BTBD1: variants seen among roughly 807,000 people sequenced by gnomAD.
The protein encoded by BTBD1 is BTB domain containing 1.
BTBD1 carries 34 observed loss-of-function variants against 48.0 expected under a neutral mutation model. That is an observed-to-expected ratio of 0.71 (90% confidence interval 0.54 to 0.94). The LOEUF (loss-of-function observed/expected upper bound fraction) is 0.94, where lower values mean the gene tolerates loss of function less well. BTBD1 is among the 40% of genes least tolerant of loss of function. The pLI, the probability that BTBD1 is intolerant of heterozygous loss-of-function variation, is 0.00. For synonymous variants in BTBD1, 261 were observed against 242.1 expected (o/e 1.08, Z -0.72); for missense variants, 543 against 625.6 (o/e 0.87, Z 1.41).
chr15:83,027,554 C>A (rs951494294), intron 5 of BTBD1, among the ~76,000 whole-genome samples: 3 of 152,192 alleles, frequency 2.0e-5, no homozygotes, highest in African/African-American at 7.2e-5. Context: ...CCTTCTCCAC[C>A]TCTGTAGGAG....
rs1289052347 is a variant in BTBD1 at position 83,033,938 on chromosome 15, C to G, written c.863-3610G>C. On this transcript the variant is annotated intron_variant, in intron 4 of 7. Transcript: ENST00000261721. Reference sequence around the variant, plus strand: ...CAATAAGGATATATTCTTGTAATAACAAGGGCAACCCACTAAAATAATAAT... The same window carrying G: ...CAATAAGGATATATTCTTGTAATAAGAAGGGCAACCCACTAAAATAATAAT... Among the ~76,000 whole-genome samples, 4 of 151,516 alleles carry G rather than the reference C, an allele frequency of 2.6e-5. No individual in the cohort carries two copies. The East Asian group carries it at 7.7e-4, about 29-fold the overall frequency.
At chr15:83,027,498 C>T (rs144345593) in intron 5 of BTBD1, among the ~76,000 whole-genome samples, 11 of 152,336 alleles carry the variant, frequency 7.2e-5, no homozygotes, top group Admixed American at 5.2e-4. Context: ...CCCATTCAAC[C>T]TGCCCAAGAG....
At chr15:83,052,631 A>ATTT (rs35721041) in intron 2 of BTBD1, among the ~76,000 whole-genome samples, 1 of 132,674 alleles carries the variant, frequency 7.5e-6, no homozygotes. Flanking sequence ...ATATCAACAG[A>ATTT]TTTTTTTTTT....
intron 4 of BTBD1, among the ~76,000 whole-genome samples, chr15:83,030,956 T>C (rs2032504112): frequency 6.6e-6 from 1 of 152,008 alleles, no homozygotes; most frequent in Admixed American, 6.6e-5. Context: ...GCAAAGGACA[T>C]GAAGAGACAA....
chr15:83,066,205 C>T (rs1003788509), intron 1 of BTBD1, among the ~76,000 whole-genome samples: 3 of 151,926 alleles, frequency 2.0e-5, no homozygotes, highest in Non-Finnish European at 2.9e-5. Context: ...AGGCTGAGGT[C>T]GGAGCATCAC....
intron 3 of BTBD1, 70 bp downstream of exon 3, chr15:83,050,003 T>A (rs2032946387): frequency 2.3e-6 from 2 of 886,568 alleles, no homozygotes; most frequent in Admixed American, 4.4e-5. Context: ...TAGCCCCTTC[T>A]CCAACAAGGC....
chr15:83,062,124 AAG>A (rs2033185929), intron 1 of BTBD1, among the ~76,000 whole-genome samples: 1 of 152,204 alleles, frequency 6.6e-6, no homozygotes, highest in African/African-American at 2.4e-5. Flanking sequence ...GAGATGAAGA[AAG>A]AGAGATCAAA....
chr15:83,045,966 T>G (rs1254396997), intron 3 of BTBD1, among the ~76,000 whole-genome samples: 1 of 152,190 alleles, frequency 6.6e-6, no homozygotes, highest in African/African-American at 2.4e-5. Flanking sequence ...AGCAAAAGGC[T>G]GTAAGAAACA....
chr15:83,036,298 A>T (rs1049930573), intron 4 of BTBD1, among the ~76,000 whole-genome samples: 1 of 152,208 alleles, frequency 6.6e-6, no homozygotes, highest in Non-Finnish European at 1.5e-5. Flanking sequence ...AGACTGGATT[A>T]AAAAATTATT....
chr15:83,020,193 C>G (rs968389058), intron 6 of BTBD1: 2 of 152,726 alleles, frequency 1.3e-5, no homozygotes, highest in African/African-American at 4.8e-5. Flanking sequence ...ATTGCTTGAG[C>G]CTGGGTGATT....
rs561677445 is a variant in BTBD1 at position 83,045,172 on chromosome 15, A to G, written c.665-3247T>C. 3.9e-5 allele frequency among the ~76,000 whole-genome samples: 6 copies of G among 152,338 alleles called. No homozygotes were observed. The South Asian group carries it at 1.2e-3, about 32-fold the overall frequency. ...AAATATGATTACATTATCCATAAAT[A>G]CATATCAGATAAACATTTCTTTAAA... On this transcript the variant is annotated intron_variant, in intron 3 of 7. Coordinates refer to ENST00000261721, the MANE Select transcript of BTBD1 (RefSeq NM_025238.4).
chr15:83,043,460 T>C (rs2032808028), intron 3 of BTBD1, among the ~76,000 whole-genome samples: 1 of 152,078 alleles, frequency 6.6e-6, no homozygotes, highest in African/African-American at 2.4e-5. Context: ...GCCTGGAGGA[T>C]TCTGAGTTGT....
intron 4 of BTBD1, among the ~76,000 whole-genome samples, chr15:83,036,661 CAT>C (rs931272991): frequency 1.1e-4 from 17 of 152,174 alleles, no homozygotes; most frequent in African/African-American, 4.1e-4. Context: ...AGAAATAATC[CAT>C]ATATCCAACA....
chr15:83,031,166 T>C (rs1371274062), intron 4 of BTBD1, among the ~76,000 whole-genome samples: 4 of 152,206 alleles, frequency 2.6e-5, no homozygotes, highest in African/African-American at 9.6e-5. Flanking sequence ...TGTTCCTATT[T>C]CTCCACATCC....
chr15:83,030,286 T>C lies in BTBD1; in HGVS notation c.905A>G (p.Asn302Ser). 3.1e-6 allele frequency: 5 copies of C among 1,613,978 alleles called. No homozygotes were observed. The highest frequency in any genetic ancestry group is 4.2e-6 in the Non-Finnish European group (5 of 1,179,986). The change falls in exon 5 of 8, where the codon AAC becomes AGC. Residue 302 changes from asparagine (N) to serine (S), a missense_variant. This residue lies in a region of BTBD1 where 300 missense variants were observed against 350.0 expected (regional missense o/e 0.86). Transcript: ENST00000261721. ...GTTGACAGTAAAATGAAGAAAGAGG[T>C]TTACCACTTCACGATCTGACAAAAT... is the stretch of plus-strand genomic sequence containing the variant. Reference protein sequence around the residue: ...SGILSDREVVNLFLHFTVNPK... With the variant: ...SGILSDREVVSLFLHFTVNPK...
Position 83,017,951 on chromosome 15 carries a change from TTCTTA to T in BTBD1, c.*111_*115del. 1.6e-6 allele frequency: 1 copy of T among 611,610 alleles called. No individual in the cohort carries two copies. 37.9% of individuals were successfully genotyped at this position (611,610 alleles called of 1,614,324 possible). A position where few individuals can be genotyped will look rare whatever the true frequency, so the allele number is the denominator to read the frequency against. On this transcript the variant is annotated 3_prime_UTR_variant, in exon 8 of 8. Coordinates refer to ENST00000261721, the MANE Select transcript of BTBD1 (RefSeq NM_025238.4). ...TTTTCTATCTGCTCTAAGAAACTGT[TTCTTA>T]TCTTACAATTTTAAATATTCATAAC... is the stretch of plus-strand genomic sequence containing the variant.
chr15:83,054,786 T>C (rs1422925147), intron 2 of BTBD1, among the ~76,000 whole-genome samples: 1 of 152,130 alleles, frequency 6.6e-6, no homozygotes, highest in Non-Finnish European at 1.5e-5. Flanking sequence ...GGTCTCGATC[T>C]CTTGGCCTCA....
At chr15:83,018,288 G>GT in intron 7 of BTBD1, 63 bp from the exon 8 acceptor site, 19 of 1,253,784 alleles carry the variant, frequency 1.5e-5, no homozygotes, top group Non-Finnish European at 2.1e-5. Context: ...TTAATGTGGT[G>GT]TTTTAATTAG....
intron 3 of BTBD1, among the ~76,000 whole-genome samples, chr15:83,048,483 A>G (rs2032920760): frequency 6.6e-6 from 1 of 152,180 alleles, no homozygotes; most frequent in Non-Finnish European, 1.5e-5. Flanking sequence ...CTACTCTCCT[A>G]CAAGACAAAA....
Sources: gnomAD v4.1 joint callset for allele counts (sites outside exome capture counted in the v4.1 genomes callset) on GRCh38, gnomAD v4.1.1 for gene constraint, gnomAD v4.1.1 regional missense constraint, MANE v1.5 for transcripts, NCBI Gene and HGNC (gene_info 2026-07-23, HGNC 2026-07-21) for gene names.